Variants in PCDHGA3 observed in about 807,000 individuals in gnomAD.
PCDHGA3 encodes protocadherin gamma-A3.
PCDHGA3 carries 40 observed loss-of-function variants against 58.5 expected under a neutral mutation model. That is an observed-to-expected ratio of 0.68 (90% confidence interval 0.53 to 0.89). The LOEUF (loss-of-function observed/expected upper bound fraction) is 0.89, where lower values mean the gene tolerates loss of function less well. PCDHGA3 is among the 40% of genes least tolerant of loss of function. The pLI is 0.00. For synonymous variants in PCDHGA3, 530 were observed against 525.7 expected, an observed-to-expected ratio of 1.01 and a Z score of -0.11; for missense variants, 1,223 against 1,195.9, an observed-to-expected ratio of 1.02 and a Z score of -0.33.
rs200612120 is a variant in PCDHGA3, at chr5:141,345,707, C to G, written c.1674C>G (p.Asn558Lys). The part of the protein sequence containing the change: ...LNLFVLDQND[N>K]APEILYPALP... ...TGTTCGTGCTGGACCAGAACGACAACGCGCCCGAGATCCTGTACCCCGCCC... is the reference window on the plus strand; with the variant it reads ...TGTTCGTGCTGGACCAGAACGACAAGGCGCCCGAGATCCTGTACCCCGCCC... The change falls in exon 1 of 4, where the codon AAC becomes AAG. Residue 558 changes from asparagine to lysine, a missense_variant. Asn to Lys is a moderately conservative substitution (Grantham distance 94). Transcript: ENST00000253812. 3 of 1,614,116 alleles carry G rather than the reference C, an allele frequency of 1.9e-6. No homozygotes were observed. The highest frequency in any genetic ancestry group is 1.3e-5 in the African/African-American group (1 of 74,938).
intron 1 of PCDHGA3, among the ~76,000 whole-genome samples, chr5:141,472,677 C>T (rs1275941416): frequency 6.6e-6 from 1 of 151,658 alleles, no homozygotes; most frequent in Non-Finnish European, 1.5e-5. Context: ...ACTGGTCCTT[C>T]CATTTCCCCT....
chr5:141,483,716 G>C (rs772661472), intron 1 of PCDHGA3, among the ~76,000 whole-genome samples: 1 of 151,974 alleles, frequency 6.6e-6, no homozygotes, highest in Non-Finnish European at 1.5e-5. Context: ...CCAGAATATT[G>C]GTTCCCACCA....
intron 1 of PCDHGA3, chr5:141,352,798 T>G: frequency 1.1e-6 from 1 of 928,716 alleles, no homozygotes; most frequent in Non-Finnish European, 1.6e-6. Flanking sequence ...GAGACCAGCA[T>G]AGCCAAGATG....
intron 1 of PCDHGA3, among the ~76,000 whole-genome samples, chr5:141,370,096 C>T (rs1385394099): frequency 6.6e-6 from 1 of 152,154 alleles, no homozygotes; most frequent in Non-Finnish European, 1.5e-5. Context: ...CAGTACACTG[C>T]CGATTTTTCT....
At chr5:141,504,429 G>T (rs947508365) in intron 2 of PCDHGA3, among the ~76,000 whole-genome samples, 1 of 152,124 alleles carries the variant, frequency 6.6e-6, no homozygotes, top group Non-Finnish European at 1.5e-5. Context: ...CACTACAACA[G>T]CTGCAGTGTG....
At position 141,400,611 on chromosome 5, in the gene PCDHGA3, G is replaced by A. The variant is rs555600694; in HGVS notation, c.2424+54154G>A. The A allele has an allele frequency of 1.3e-5, 20 of 1,573,002 alleles. No homozygotes were observed. In the African/African-American group the frequency reaches 2.4e-4, roughly 19 times the overall value. On this transcript the variant is annotated intron_variant, in intron 1 of 3. Coordinates refer to ENST00000253812, the MANE Select transcript of PCDHGA3 (RefSeq NM_018916.4). The stretch of plus-strand genomic sequence containing the variant: ...ACTATCGTACATTTTCAAGTCCAAT[G>A]AGTTGTCTTAGGGAAGTCAGAGCTG...
chr5:141,478,076 C>G (rs1486983629), intron 1 of PCDHGA3: 2 of 1,614,106 alleles, frequency 1.2e-6, no homozygotes, highest in Non-Finnish European at 1.7e-6. Context: ...CAATGGGGAG[C>G]CTTCGCTCTC....
At chr5:141,415,828 G>A (rs1178303711) in intron 1 of PCDHGA3, 4 of 1,293,274 alleles carry the variant, frequency 3.1e-6, no homozygotes, top group Non-Finnish European at 3.0e-6. Flanking sequence ...ATAAGGCTTT[G>A]TTATGATTAG....
chr5:141,406,415 GC>G (rs2094806009), intron 1 of PCDHGA3, among the ~76,000 whole-genome samples: 1 of 152,164 alleles, frequency 6.6e-6, no homozygotes, highest in Non-Finnish European at 1.5e-5. Flanking sequence ...ACAGCTGAAA[GC>G]CCAGATTTAT....
At chr5:141,395,538 T>C (rs1459118809) in intron 1 of PCDHGA3, 1 of 225,772 alleles carries the variant, frequency 4.4e-6, no homozygotes, top group Non-Finnish European at 7.1e-6. Context: ...AATTTTGCTA[T>C]TGTTTGTGTG....
chr5:141,485,587 G>C lies in PCDHGA3; in HGVS notation c.2425-9220G>C. 6.2e-7 allele frequency: 1 copy of C among 1,612,652 alleles called. No individual in the cohort carries two copies. The highest frequency in any genetic ancestry group is 1.7e-5 in the Admixed American group (1 of 59,982). On this transcript the variant is annotated intron_variant, in intron 1 of 3. Coordinates refer to ENST00000253812, the MANE Select transcript of PCDHGA3 (RefSeq NM_018916.4). This position sits in a 1 kb window ranked among gnomAD's most constrained non-coding sequence, Gnocchi z 5.7. ...CCCCCCGTTTTCCGCGGCAGCAGCT[G>C]GACTTGGAAATTGGGGAGGCAGCTC... is the stretch of plus-strand genomic sequence containing the variant.
At chr5:141,354,361 A>C (rs1024429326) in intron 1 of PCDHGA3, among the ~76,000 whole-genome samples, 7 of 152,230 alleles carry the variant, frequency 4.6e-5, no homozygotes, top group Admixed American at 1.3e-4. Context: ...CACATTGTGA[A>C]CAAGATAGTC....
Position 141,344,249 on chromosome 5 carries a change from G to A in PCDHGA3, c.216G>A (p.Thr72=), listed in dbSNP as rs766061974. Reference sequence around the variant, plus strand: ...TCCGCATCGTCTCCAGAGGTAGGACGCAGCTTTTCTCTCTGAATCCGCAAA... The same window carrying A: ...TCCGCATCGTCTCCAGAGGTAGGACACAGCTTTTCTCTCTGAATCCGCAAA... ...RGVRIVSRGR[T]QLFSLNPQSG... is the part of the protein sequence containing the mutation. The change falls in exon 1 of 4, where the codon ACG becomes ACA. Residue 72 remains threonine, a synonymous_variant. Transcript: ENST00000253812. 2.5e-6 allele frequency: 4 copies of A among 1,613,930 alleles called. No homozygotes were observed. The highest frequency in any genetic ancestry group is 4.5e-5 in the East Asian group (2 of 44,900).
intron 1 of PCDHGA3, chr5:141,409,119 C>A: frequency 6.2e-7 from 1 of 1,613,928 alleles, no homozygotes; most frequent in Non-Finnish European, 8.5e-7. Flanking sequence ...AATAACCAGT[C>A]ATTTGATTTT....
At chr5:141,430,285 T>C (rs1456678142) in intron 1 of PCDHGA3, among the ~76,000 whole-genome samples, 18 of 151,710 alleles carry the variant, frequency 1.2e-4, no homozygotes, top group Admixed American at 1.2e-3. Flanking sequence ...GGAACAGTAA[T>C]CTCAAAGCAG....
intron 1 of PCDHGA3, among the ~76,000 whole-genome samples, chr5:141,453,974 T>C (rs1386640440): frequency 6.6e-6 from 1 of 152,242 alleles, no homozygotes; most frequent in Non-Finnish European, 1.5e-5. Flanking sequence ...CATGTAGTTG[T>C]GTTGCCTTCC....
intron 1 of PCDHGA3, chr5:141,398,280 C>T (rs1001902282): frequency 1.4e-5 from 19 of 1,405,808 alleles, no homozygotes; most frequent in Non-Finnish European, 1.8e-5. Context: ...GGAACCTCGC[C>T]ACGGACCTGG....
At chr5:141,496,869 A>G (rs2099772006) in intron 2 of PCDHGA3, among the ~76,000 whole-genome samples, 1 of 150,116 alleles carries the variant, frequency 6.7e-6, no homozygotes, top group African/African-American at 2.5e-5. Context: ...GAGACTGAAA[A>G]TTTGCAACAA....
intron 1 of PCDHGA3, chr5:141,371,065 G>GT (rs1255340966): frequency 2.5e-6 from 4 of 1,613,804 alleles, no homozygotes; most frequent in Non-Finnish European, 2.5e-6. Flanking sequence ...TCCAGAAGCT[G>GT]TACCACCCAG....
Sources: allele counts gnomAD v4.1 joint callset (sites outside exome capture counted in the v4.1 genomes callset), GRCh38; gene constraint gnomAD v4.1.1; non-coding constraint Gnocchi (gnomAD v3.1); transcripts MANE v1.5; gene names NCBI Gene and HGNC (gene_info 2026-07-23, HGNC 2026-07-21).